Variants in ALOX5AP observed in about 807,000 individuals in gnomAD.
ALOX5AP encodes the protein arachidonate 5-lipoxygenase-activating protein.
A neutral mutation model predicts 18.5 loss-of-function variants in ALOX5AP; 9 were observed. That is an observed-to-expected ratio of 0.49 (90% CI 0.29 to 0.85). ALOX5AP has a LOEUF of 0.85. ALOX5AP is among the 40% of genes least tolerant of loss of function. The pLI is 0.08. For missense variants in ALOX5AP, 172 were observed against 202.5 expected, an observed-to-expected ratio of 0.85 and a Z score of 0.91; for synonymous variants, 81 against 78.6, an observed-to-expected ratio of 1.03 and a Z score of -0.16.
intron 1 of ALOX5AP, among the ~76,000 whole-genome samples, chr13:30,719,785 G>A (rs940124334): frequency 6.6e-6 from 1 of 152,116 alleles, no homozygotes; most frequent in Non-Finnish European, 1.5e-5. Context: ...TCTAATTCGT[G>A]ATTGTAATTC....
At chr13:30,732,344 G>A (rs1444143617), upstream of ALOX5AP, among the ~76,000 whole-genome samples, 2 of 152,242 alleles carry the variant, frequency 1.3e-5, no homozygotes, top group African/African-American at 4.8e-5. Context: ...GTTGGTCCCC[G>A]TGGGTGCTGT....
chr13:30,762,244 A>C (rs1485175933), intron 4 of ALOX5AP, among the ~76,000 whole-genome samples: 4 of 152,234 alleles, frequency 2.6e-5, no homozygotes, highest in African/African-American at 9.6e-5. Flanking sequence ...TTTGAGTAGC[A>C]AGGAGCTTGA....
intron 1 of ALOX5AP, among the ~76,000 whole-genome samples, chr13:30,721,214 G>A (rs2137787929): frequency 6.6e-6 from 1 of 152,276 alleles, no homozygotes; most frequent in East Asian, 1.9e-4. Context: ...TCTGCATCAA[G>A]TCTAATTTTG....
chr13:30,727,491 C>A (rs1325070551), intron 1 of ALOX5AP, among the ~76,000 whole-genome samples: 4 of 152,134 alleles, frequency 2.6e-5, no homozygotes, highest in Non-Finnish European at 5.9e-5. Flanking sequence ...TTCCTATGTA[C>A]CTCTGGATTA....
Position 30,758,364 on chromosome 13 carries a change from G to A in ALOX5AP, c.323+2339G>A, listed in dbSNP as rs17245638. The stretch of plus-strand genomic sequence containing the variant: ...GACTCTGCAGACACCTAATGCTCTT[G>A]GGACCTGCTTTAGTTCTTGACCTCA... On this transcript the variant is annotated intron_variant, in intron 4 of 4. Transcript: ENST00000380490. 7.0e-3 allele frequency among the ~76,000 whole-genome samples: 1,073 copies of A among 152,218 alleles called. 18 individuals carry two copies. Among genetic ancestry groups the A allele is most frequent in the African/African-American group, 0.025 (1,023 of 41,510 alleles).
chr13:30,740,768 G>T (rs1193786887), intron 1 of ALOX5AP, among the ~76,000 whole-genome samples: 1 of 152,186 alleles, frequency 6.6e-6, no homozygotes, highest in Non-Finnish European at 1.5e-5. Flanking sequence ...TGATATTAAA[G>T]ATTCTGGAAG....
chr13:30,748,907 G>T (rs934484578), intron 2 of ALOX5AP, among the ~76,000 whole-genome samples: 1 of 152,354 alleles, frequency 6.6e-6, no homozygotes, highest in East Asian at 1.9e-4. Flanking sequence ...TACACGAGCA[G>T]CCACTGGGCA....
chr13:30,747,787 A>G (rs1396565139), intron 2 of ALOX5AP, among the ~76,000 whole-genome samples: 1 of 152,186 alleles, frequency 6.6e-6, no homozygotes, highest in African/African-American at 2.4e-5. Flanking sequence ...TGTATTATTT[A>G]ACTACAGACA....
At chr13:30,757,151 G>C (rs540990827) in intron 4 of ALOX5AP, among the ~76,000 whole-genome samples, 1 of 152,048 alleles carries the variant, frequency 6.6e-6, no homozygotes, top group African/African-American at 2.4e-5. Context: ...GTTCACAGCC[G>C]CTCTGTCTTT....
chr13:30,729,869 C>A (rs1321090829), intron 1 of ALOX5AP, among the ~76,000 whole-genome samples: 3 of 152,234 alleles, frequency 2.0e-5, no homozygotes, highest in Non-Finnish European at 4.4e-5. Flanking sequence ...AGCCACCGTG[C>A]CCGGCCTTAA....
intron 1 of ALOX5AP, among the ~76,000 whole-genome samples, chr13:30,722,837 C>T (rs1951604739): frequency 6.6e-6 from 1 of 152,160 alleles, no homozygotes; most frequent in Non-Finnish European, 1.5e-5. Flanking sequence ...CCTTCCACCC[C>T]TCTCTCACTC....
intron 1 of ALOX5AP, among the ~76,000 whole-genome samples, chr13:30,727,691 T>C (rs1355678319): frequency 2.0e-5 from 3 of 152,302 alleles, no homozygotes; most frequent in East Asian, 1.9e-4. Flanking sequence ...GGAAACTCCT[T>C]CGGTTTCTCT....
chr13:30,727,177 C>T lies in ALOX5AP; in HGVS notation c.117-8374C>T, dbSNP rs567080348. 1.2e-3 allele frequency among the ~76,000 whole-genome samples: 188 copies of T among 152,110 alleles called. 1 individual carries two copies. The highest frequency in any genetic ancestry group is 4.4e-3 in the African/African-American group (182 of 41,520). ...CAAGTGATTCTCCAGCCTCAGCCTCCAGAGTAGCTGGGATTATAGGTGCGC... is the reference window on the plus strand; with the variant it reads ...CAAGTGATTCTCCAGCCTCAGCCTCTAGAGTAGCTGGGATTATAGGTGCGC... On this transcript the variant is annotated intron_variant, in intron 1 of 5. Transcript: ENST00000617770.
chr13:30,734,972 T>C (rs1225021699), upstream of ALOX5AP, among the ~76,000 whole-genome samples: 1 of 152,170 alleles, frequency 6.6e-6, no homozygotes, highest in Non-Finnish European at 1.5e-5. Context: ...CTTTTGGTGT[T>C]CTATACATTT....
chr13:30,718,042 C>A (rs2137784658), intron 1 of ALOX5AP, among the ~76,000 whole-genome samples: 2 of 151,904 alleles, frequency 1.3e-5, no homozygotes, highest in South Asian at 4.2e-4. Context: ...TCACTGCAAC[C>A]TCCGCCTCCC....
chr13:30,751,138 G>A (rs920326361), intron 2 of ALOX5AP, among the ~76,000 whole-genome samples: 22 of 152,116 alleles, frequency 1.4e-4, no homozygotes, highest in African/African-American at 5.1e-4. Context: ...ATCTTGGCTC[G>A]CTGCAACCTC....
At chr13:30,719,673 T>C (rs1365065065) in intron 1 of ALOX5AP, among the ~76,000 whole-genome samples, 1 of 152,192 alleles carries the variant, frequency 6.6e-6, no homozygotes, top group Non-Finnish European at 1.5e-5. Flanking sequence ...TCTTTTGCTA[T>C]GTCATAGGTT....
intron 1 of ALOX5AP, among the ~76,000 whole-genome samples, chr13:30,729,210 T>TC (rs1161846274): frequency 6.6e-6 from 1 of 152,214 alleles, no homozygotes; most frequent in Non-Finnish European, 1.5e-5. Context: ...AAATTTGCCT[T>TC]CTTCATGGTC....
chr13:30,718,083 C>T (rs1951563593), intron 1 of ALOX5AP, among the ~76,000 whole-genome samples: 1 of 151,890 alleles, frequency 6.6e-6, no homozygotes, highest in Non-Finnish European at 1.5e-5. Flanking sequence ...CCTCAGCCTC[C>T]CGAGTAGCTG....
Sources: allele counts gnomAD v4.1 joint callset (sites outside exome capture counted in the v4.1 genomes callset), GRCh38; gene constraint gnomAD v4.1.1; transcripts MANE v1.5; gene names NCBI Gene and HGNC (gene_info 2026-07-23, HGNC 2026-07-21).